CFAP47: variants seen among roughly 807,000 people sequenced by gnomAD.
The protein encoded by CFAP47 is cilia and flagella associated protein 47.
Under a neutral mutation model 148.1 loss-of-function variants are expected in CFAP47, and 29 were observed. The observed-to-expected ratio is 0.20, with a 90% CI of 0.15 to 0.27. CFAP47 has a LOEUF of 0.27. Among genes scored for constraint, CFAP47 ranks in the 10% least tolerant of loss-of-function variants. The pLI is 1.00. For synonymous variants in CFAP47, 664 were observed against 577.3 expected (o/e 1.15, Z -2.15); for missense variants, 1,872 against 1,697.5 (o/e 1.10, Z -1.81).
chrX:35,967,908 C>A, intron 10 of CFAP47, 76 bp downstream of exon 10: 1 of 506,755 alleles, frequency 2.0e-6, no homozygotes, highest in Non-Finnish European at 3.3e-6. Flanking sequence ...TTCATCAGAT[C>A]CTGCTGTATA....
At chrX:36,025,375 T>A (rs1937204216) in intron 22 of CFAP47, among the ~76,000 whole-genome samples, 1 of 111,102 alleles carries the variant, frequency 9.0e-6, no homozygotes, top group African/African-American at 3.3e-5. Flanking sequence ...TGCTCACACC[T>A]ATAATCCTAG....
Position 36,145,450 on chromosome X carries a change from T to C in CFAP47, c.5670+97T>C, listed in dbSNP as rs1482117231. Reference sequence around the variant, plus strand: ...CAACCCAAAATTAACAGCAAGCGTCTGTAGGAATAATTTTATTAAAAGTGA... The same window carrying C: ...CAACCCAAAATTAACAGCAAGCGTCCGTAGGAATAATTTTATTAAAAGTGA... On this transcript the variant is annotated intron_variant, in intron 36 of 63. Transcript: ENST00000378653. The C allele has an allele frequency of 8.8e-5, 25 of 284,848 alleles. No homozygotes were observed. The East Asian group carries it at 1.2e-3, about 14-fold the overall frequency. The allele number at this position is 284,848 out of a possible 1,213,427, so 23.5% of individuals were successfully genotyped here.
intron 49 of CFAP47, among the ~76,000 whole-genome samples, chrX:36,273,364 G>C (rs1940981160): frequency 9.0e-6 from 1 of 111,341 alleles, no homozygotes; most frequent in Non-Finnish European, 1.9e-5. Flanking sequence ...ATTAAAACTT[G>C]TGCTATTAAA....
intron 33 of CFAP47, among the ~76,000 whole-genome samples, chrX:36,127,264 T>A (rs1327815145): frequency 5.4e-5 from 6 of 111,977 alleles, no homozygotes. Context: ...TTCAGTTAAT[T>A]TTTGTATAAG....
intron 37 of CFAP47, among the ~76,000 whole-genome samples, chrX:36,157,091 T>G (rs1407851702): frequency 1.8e-5 from 2 of 110,949 alleles, no homozygotes; most frequent in African/African-American, 6.6e-5. Flanking sequence ...TTTTCCCTTC[T>G]TCACCTGTTC....
chrX:35,935,805 T>G (rs949407696), intron 2 of CFAP47, among the ~76,000 whole-genome samples: 1 of 111,198 alleles, frequency 9.0e-6, no homozygotes, highest in Non-Finnish European at 1.9e-5. Flanking sequence ...TTCTTTTTCT[T>G]TCAGTACTAG....
chrX:36,234,127 C>T (rs1405949981), intron 46 of CFAP47, among the ~76,000 whole-genome samples: 4 of 108,055 alleles, frequency 3.7e-5, no homozygotes, highest in Admixed American at 2.0e-4. Context: ...ATCTTTGTGG[C>T]GTTCTCTGTA....
chrX:36,300,835 A>G (rs1202072600), intron 52 of CFAP47, among the ~76,000 whole-genome samples: 1 of 112,597 alleles, frequency 8.9e-6, no homozygotes, highest in Non-Finnish European at 1.9e-5. Flanking sequence ...ACAGGCATTT[A>G]TTAAACAGAT....
chrX:36,232,201 C>T (rs1371098280), intron 46 of CFAP47, among the ~76,000 whole-genome samples: 13 of 111,177 alleles, frequency 1.2e-4, no homozygotes, highest in African/African-American at 4.3e-4. Context: ...CCAGTTCCTC[C>T]TTGTACCTCT....
At position 36,137,059 on chromosome X, in the gene CFAP47, G is replaced by C. The variant is rs766692055; in HGVS notation, c.5321-899G>C. 2.3e-4 allele frequency among the ~76,000 whole-genome samples: 26 copies of C among 111,192 alleles called. No individual in the cohort carries two copies. The South Asian group carries it at 6.7e-3, about 29-fold the overall frequency. On this transcript the variant is annotated intron_variant, in intron 33 of 63. Coordinates refer to ENST00000378653, the MANE Select transcript of CFAP47 (RefSeq NM_001304548.2). ...TGTCCAGGACATCTGTGATTCAAGA[G>C]ATAATTAAGTCTTCCAATTCCAGGT...
intron 42 of CFAP47, among the ~76,000 whole-genome samples, chrX:36,194,699 G>C (rs1939901620): frequency 9.0e-6 from 1 of 111,276 alleles, no homozygotes; most frequent in African/African-American, 3.3e-5. Flanking sequence ...GAAGGGGGCG[G>C]TGCTACACAC....
At chrX:36,115,555 C>A (rs146894659) in intron 33 of CFAP47, among the ~76,000 whole-genome samples, 1,749 of 111,709 alleles carry the variant, frequency 0.016, 30 homozygotes, top group African/African-American at 0.054. Flanking sequence ...TAATCAAGCA[C>A]TGGGACCTTC....
intron 34 of CFAP47, 98 bp downstream of exon 34, chrX:36,138,153 G>A (rs1939076889): frequency 9.6e-6 from 5 of 519,102 alleles, no homozygotes; most frequent in African/African-American, 2.4e-5. Flanking sequence ...TATTTCGAAT[G>A]TCTTACATTC....
At chrX:36,269,260 C>T (rs1478419953) in intron 49 of CFAP47, among the ~76,000 whole-genome samples, 4 of 112,090 alleles carry the variant, frequency 3.6e-5, no homozygotes, top group African/African-American at 1.3e-4. Context: ...AGCCACCCTC[C>T]TAAGTGTAGT....
chrX:35,949,798 A>T (rs1376675664), intron 4 of CFAP47, among the ~76,000 whole-genome samples: 2 of 111,955 alleles, frequency 1.8e-5, no homozygotes, highest in Non-Finnish European at 3.8e-5. Context: ...AGTAACCCTA[A>T]TCTAAAAATC....
intron 23 of CFAP47, among the ~76,000 whole-genome samples, chrX:36,034,022 G>A (rs1365623526): frequency 1.8e-5 from 2 of 111,144 alleles, no homozygotes; most frequent in East Asian, 2.8e-4. Flanking sequence ...CAACATTATT[G>A]ACTAAACAAC....
At chrX:36,283,450 G>A (rs1602089681) in intron 50 of CFAP47, among the ~76,000 whole-genome samples, 2 of 111,708 alleles carry the variant, frequency 1.8e-5, no homozygotes, top group African/African-American at 6.5e-5. Flanking sequence ...TTGTCCCTGC[G>A]ATGGTTAATT....
intron 56 of CFAP47, among the ~76,000 whole-genome samples, chrX:36,316,449 T>C (rs1285753468): frequency 8.9e-5 from 10 of 112,517 alleles, no homozygotes; most frequent in Non-Finnish European, 1.7e-4. Context: ...CATTGCAATC[T>C]TTTTTAAATG....
At chrX:36,268,135 A>T (rs1022915251) in intron 49 of CFAP47, among the ~76,000 whole-genome samples, 3 of 113,555 alleles carry the variant, frequency 2.6e-5, no homozygotes, top group African/African-American at 9.6e-5. Context: ...ACATAAGATG[A>T]TCTGTCCTCT....
Sources: allele counts gnomAD v4.1 joint callset (sites outside exome capture counted in the v4.1 genomes callset), GRCh38; gene constraint gnomAD v4.1.1; transcripts MANE v1.5; gene names NCBI Gene and HGNC (gene_info 2026-07-23, HGNC 2026-07-21).